The following TTC14 variants were observed in gnomAD, a reference collection of about 807,000 sequenced individuals.
The protein encoded by TTC14 is tetratricopeptide repeat protein 14.
A neutral mutation model predicts 79.9 loss-of-function variants in TTC14; 63 were observed. The observed-to-expected ratio is 0.79, with a 90% CI of 0.64 to 0.97. The LOEUF is 0.97. TTC14 is among the 50% of genes least tolerant of loss of function. TTC14 has a pLI of 0.00. For missense variants in TTC14, 895 were observed against 894.0 expected, an observed-to-expected ratio of 1.00 and a Z score of -0.01; for synonymous variants, 335 against 309.6, an observed-to-expected ratio of 1.08 and a Z score of -0.86.
downstream of TTC14, among the ~76,000 whole-genome samples, chr3:180,615,338 A>G (rs1717191281): frequency 6.6e-6 from 1 of 152,154 alleles, no homozygotes; most frequent in Non-Finnish European, 1.5e-5. Flanking sequence ...GCTTTGAACT[A>G]TAATCAGTTT....
chr3:180,616,375 T>G lies in TTC14; in HGVS notation c.1775-1005T>G, dbSNP rs1306437580. 22 of 1,604,150 alleles carry G rather than the reference T, an allele frequency of 1.4e-5. No homozygotes were observed. Among genetic ancestry groups the G allele is most frequent in the African/African-American group, 4.0e-5 (3 of 74,644 alleles). The stretch of plus-strand genomic sequence containing the variant: ...AGTTCTAACCCACTCTGGAGGAATA[T>G]TCAATAGCAATCATTAGTACTACCT... On this transcript the variant is annotated intron_variant, in intron 12 of 12. Transcript: ENST00000382584.
rs187649421 is a variant in TTC14, at chr3:180,609,811, A to G, written c.1582A>G (p.Ile528Val). 95 of 1,613,676 alleles carry G rather than the reference A, an allele frequency of 5.9e-5. No individual in the cohort carries two copies. Among genetic ancestry groups the G allele is most frequent in the Admixed American group, 2.3e-4 (14 of 59,928 alleles). The change falls in exon 12 of 12, where the codon ATA becomes GTA. Residue 528 changes from isoleucine (I) to valine (V), a missense_variant. By Grantham distance (29) the Ile-to-Val change is conservative. Coordinates refer to ENST00000296015, the MANE Select transcript of TTC14 (RefSeq NM_133462.4). ...RHSSRASSNQ[I>V]DQNRKDECYP... is the part of the protein sequence containing the mutation. ...TTCATCTAGGGCATCCTCAAATCAGATAGATCAGAATAGGAAAGATGAGTG... is the reference window on the plus strand; with the variant it reads ...TTCATCTAGGGCATCCTCAAATCAGGTAGATCAGAATAGGAAAGATGAGTG...
intron 6 of TTC14, 87 bp from the exon 7 acceptor site, chr3:180,605,679 C>T: frequency 1.1e-6 from 1 of 876,930 alleles, no homozygotes; most frequent in Non-Finnish European, 1.7e-6. Flanking sequence ...CATACTTTCA[C>T]TGTCGAGTGC....
Position 180,603,318 on chromosome 3 carries a change from A to G in TTC14, c.481A>G (p.Ile161Val), listed in dbSNP as rs370209195. Residue 161 changes from isoleucine to valine, a missense_variant, in exon 3 of 12, where the codon ATC (isoleucine) becomes GTC (valine). Ile to Val is a conservative substitution (Grantham distance 29). Transcript: ENST00000296015. Reference sequence around the variant, plus strand: ...CATGAGAGATATAGCCCACTTAGAAATCACAGTAAGTTATTTTTGTTACTT... The same window carrying G: ...CATGAGAGATATAGCCCACTTAGAAGTCACAGTAAGTTATTTTTGTTACTT... ...GIMRDIAHLE[I>V]TALCPLRDVP... The G allele has an allele frequency of 6.2e-7, 1 of 1,613,626 alleles. No homozygotes were observed. Among genetic ancestry groups the G allele is most frequent in the Non-Finnish European group, 8.5e-7 (1 of 1,179,588 alleles).
downstream of TTC14, chr3:180,611,189 C>A (rs551844811): frequency 1.6e-5 from 16 of 984,380 alleles, no homozygotes; most frequent in Non-Finnish European, 1.9e-5. Flanking sequence ...GAATAGGAGC[C>A]CATTTTGCTT....
In TTC14 at chr3:180,606,354, T is replaced by G. The variant is rs1560073099; in HGVS notation, c.1031T>G (p.Leu344Trp). 6.2e-7 allele frequency: 1 copy of G among 1,614,138 alleles called. No individual in the cohort carries two copies. Among genetic ancestry groups the G allele is most frequent in the Admixed American group, 1.7e-5 (1 of 60,026 alleles). Residue 344 changes from leucine (L) to tryptophan (W), a missense_variant, in exon 8 of 12, where the codon TTG (leucine) becomes TGG (tryptophan). Coordinates refer to ENST00000296015, the MANE Select transcript of TTC14 (RefSeq NM_133462.4). ...ATAGACAAACAAAACGTGGAAGCTT[T>G]GGTAGCTCGTGGAGCATTGTAAGTG... ...LEIDKQNVEA[L>W]VARGALYATK...
chr3:180,604,651 C>T, intron 5 of TTC14, 44 bp downstream of exon 5: 1 of 1,566,094 alleles, frequency 6.4e-7, no homozygotes, highest in Non-Finnish European at 8.6e-7. Context: ...TTACAAAAGT[C>T]TCTTGGATTG....
At chr3:180,612,125 T>C (rs1353876279), downstream of TTC14, among the ~76,000 whole-genome samples, 1 of 152,226 alleles carries the variant, frequency 6.6e-6, no homozygotes, top group Non-Finnish European at 1.5e-5. Context: ...TAATTCTATG[T>C]ATTAATAGCT....
downstream of TTC14, among the ~76,000 whole-genome samples, chr3:180,615,929 C>G (rs1453328166): frequency 6.6e-6 from 1 of 152,088 alleles, no homozygotes; most frequent in Non-Finnish European, 1.5e-5. Context: ...TCTAAGCTGC[C>G]CTTACATGTT....
At chr3:180,602,624 G>C (rs1716430260) in intron 1 of TTC14, 1 of 752,086 alleles carries the variant, frequency 1.3e-6, no homozygotes, top group Non-Finnish European at 2.1e-6. Flanking sequence ...TTTTTCTCTG[G>C]CACTGCTTGG....
chr3:180,603,429 C>A, intron 3 of TTC14, 106 bp downstream of exon 3: 2 of 977,044 alleles, frequency 2.0e-6, no homozygotes, highest in Non-Finnish European at 3.2e-6. Flanking sequence ...TGCCAAGATG[C>A]TTTTGGAAAT....
chr3:180,615,837 G>T (rs138159788), downstream of TTC14, among the ~76,000 whole-genome samples: 1,115 of 152,212 alleles, frequency 7.3e-3, 4 homozygotes, highest in Non-Finnish European at 0.013. Flanking sequence ...GCAAAATAAA[G>T]CTTCATAAAG....
chr3:180,609,465 G>A, intron 11 of TTC14, 165 bp from the exon 12 acceptor site: 1 of 1,309,688 alleles, frequency 7.6e-7, no homozygotes, highest in East Asian at 2.9e-5. Flanking sequence ...TCCCCCAAAA[G>A]TGCTTAATAG....
intron 9 of TTC14, 41 bp downstream of exon 9, chr3:180,606,644 C>A (rs765166142): frequency 3.1e-5 from 48 of 1,554,348 alleles, no homozygotes; most frequent in Non-Finnish European, 4.0e-5. Context: ...GTCTAATGTT[C>A]AACCAACCAC....
downstream of TTC14, among the ~76,000 whole-genome samples, chr3:180,612,926 C>T (rs1717084004): frequency 6.6e-6 from 1 of 152,058 alleles, no homozygotes; most frequent in Admixed American, 6.5e-5. Context: ...GAGCAGAAAA[C>T]ATGAATAGGT....
In TTC14 at chr3:180,610,301, C is replaced by G. The variant is rs1716926598; in HGVS notation, c.2072C>G (p.Ser691Cys). The change falls in exon 12 of 12, where the codon TCT becomes TGT. Residue 691 changes from serine (S) to cysteine (C), a missense_variant. Physicochemically the swap from Ser to Cys is moderately radical, Grantham distance 112. Coordinates refer to ENST00000296015, the MANE Select transcript of TTC14 (RefSeq NM_133462.4). ...GAGAAATACAAAAAATACGCTCACT[C>G]TGGATCACGTGATTTCAGTAGACAT... ...SVEKYKKYAH[S>C]GSRDFSRHEQ... The G allele has an allele frequency of 1.2e-6, 2 of 1,613,386 alleles. No homozygotes were observed. The highest frequency in any genetic ancestry group is 1.7e-6 in the Non-Finnish European group (2 of 1,179,818).
chr3:180,608,959 A>C, intron 11 of TTC14, 149 bp downstream of exon 11: 1 of 1,195,880 alleles, frequency 8.4e-7, no homozygotes. Context: ...TATGTGTTCC[A>C]TGTATTTTCT....
intron 10 of TTC14, chr3:180,608,175 TC>T (rs1379304838): frequency 1.0e-6 from 1 of 999,186 alleles, no homozygotes; most frequent in Non-Finnish European, 1.2e-6. Flanking sequence ...TGCTGCTGTG[TC>T]TGTGACATCT....
Position 180,611,079 on chromosome 3 carries a change from C to CT in TTC14, c.*539dup. 1 of 974,668 alleles carries CT rather than the reference C, an allele frequency of 1.0e-6. No homozygotes were observed. Among genetic ancestry groups the CT allele is most frequent in the Non-Finnish European group, 1.2e-6 (1 of 820,370 alleles). 60.4% of individuals were successfully genotyped at this position (974,668 alleles called of 1,614,324 possible). On this transcript the variant is annotated 3_prime_UTR_variant, in exon 12 of 12. Coordinates refer to ENST00000296015, the MANE Select transcript of TTC14 (RefSeq NM_133462.4). ...AATTTTTAAATGGTAGATTATATGT[C>CT]TTAATTTTCCTCTAAAGCCCAATTT... is the stretch of plus-strand genomic sequence containing the variant.
Sources: gnomAD v4.1 joint callset for allele counts (sites outside exome capture counted in the v4.1 genomes callset) on GRCh38, gnomAD v4.1.1 for gene constraint, MANE v1.5 for transcripts, NCBI Gene and HGNC (gene_info 2026-07-23, HGNC 2026-07-21) for gene names.